The following NAV2 variants were observed in gnomAD, a reference collection of about 807,000 sequenced individuals.
The protein encoded by NAV2 is neuron navigator 2, also known as helicase, APC down-regulated 1.
NAV2 carries 54 observed loss-of-function variants against 223.2 expected under a neutral mutation model. The observed-to-expected ratio is 0.24, with a 90% CI of 0.19 to 0.30. The LOEUF (loss-of-function observed/expected upper bound fraction) is 0.30. NAV2 is among the 10% of genes least tolerant of loss of function. NAV2 has a pLI of 1.00. For synonymous variants in NAV2, 1,279 were observed against 1,239.3 expected, an observed-to-expected ratio of 1.03 and a Z score of -0.67; for missense variants, 2,806 against 3,147.5, an observed-to-expected ratio of 0.89 and a Z score of 2.60.
rs138120105 is a variant in NAV2 at position 19,732,965 on chromosome 11, G to C, written c.267+19003G>C. Among the ~76,000 whole-genome samples, 179 of 152,332 alleles carry C rather than the reference G, an allele frequency of 1.2e-3. 5 individuals carry two copies. In the East Asian group the frequency reaches 0.029, roughly 24 times the overall value. On this transcript the variant is annotated intron_variant, in intron 1 of 37. Transcript: ENST00000349880. ...TAATCAATGCCTGCACAATTATGCAGTTGGCATGGATGCTAGTTTTATTGT... is the reference window on the plus strand; with the variant it reads ...TAATCAATGCCTGCACAATTATGCACTTGGCATGGATGCTAGTTTTATTGT...
intron 5 of NAV2, among the ~76,000 whole-genome samples, chr11:19,886,998 C>A (rs1241598043): frequency 6.6e-6 from 1 of 152,060 alleles, no homozygotes; most frequent in Non-Finnish European, 1.5e-5. Flanking sequence ...CCTTTCCCCA[C>A]CCCCAGCCTT....
rs16937050 is a variant in NAV2, at chr11:19,610,864, A to T, written c.76-221620A>T. On this transcript the variant is annotated intron_variant, in intron 1 of 37. Transcript: ENST00000360655. ...AATTGGTGGGTGGGTGGATGGATGC[A>T]TTCATAAGACCCCAGGCCTACTTGC... 4.7e-3 allele frequency among the ~76,000 whole-genome samples: 709 copies of T among 152,206 alleles called. 6 individuals are homozygous for T. Among genetic ancestry groups the T allele is most frequent in the African/African-American group, 0.016 (666 of 41,536 alleles).
At chr11:20,103,436 C>G (rs561823183) in intron 33 of NAV2, 27 bp downstream of exon 33, 2 of 1,605,228 alleles carry the variant, frequency 1.2e-6, no homozygotes, top group Non-Finnish European at 1.7e-6. Context: ...GACCTCATAG[C>G]CCCCCGGGAG....
chr11:20,062,155 A>C (rs11604832), intron 19 of NAV2, 152 bp from the exon 20 acceptor site: 9,213 of 524,938 alleles, frequency 0.018, 130 homozygotes, highest in Non-Finnish European at 0.023. Context: ...TTTGTCACTG[A>C]CCTATCGCCA....
chr11:19,987,299 T>C (rs1023769318), intron 11 of NAV2, among the ~76,000 whole-genome samples: 5 of 152,358 alleles, frequency 3.3e-5, no homozygotes, highest in Non-Finnish European at 5.9e-5. Flanking sequence ...CCTTTAAACC[T>C]GAAAATCGAA....
At position 20,071,151 on chromosome 11, in the gene NAV2, T is replaced by G. The variant is rs112911358; in HGVS notation, c.4983+2753T>G. 4.9e-3 allele frequency among the ~76,000 whole-genome samples: 604 copies of G among 124,308 alleles called. 3 individuals carry two copies. The highest frequency in any genetic ancestry group is 0.017 in the African/African-American group (578 of 33,170). 81.6% of individuals were successfully genotyped at this position (124,308 alleles called of 152,430 possible). ...CCCTGGTGTCTGATGTTCCCCTCCA[T>G]GTATCCATGTGCCATGTGTTCTCAT... On this transcript the variant is annotated intron_variant, in intron 22 of 37. Coordinates refer to ENST00000349880, the MANE Select transcript of NAV2 (RefSeq NM_145117.5).
chr11:19,683,915 C>A (rs1393935720), intron 1 of NAV2, among the ~76,000 whole-genome samples: 1 of 152,134 alleles, frequency 6.6e-6, no homozygotes, highest in African/African-American at 2.4e-5. Context: ...AATTGTCTGC[C>A]ACAATTGTTT....
rs866418695 is a variant in NAV2 at position 19,913,987 on chromosome 11, C to T, written c.932-19189C>T. On this transcript the variant is annotated intron_variant, in intron 6 of 37. Transcript: ENST00000349880. ...GACATCAGCTGTGGACTCCCCGAGCCAGTGTTATTGCTGGAGTCAGCTCCT... is the reference window on the plus strand; with the variant it reads ...GACATCAGCTGTGGACTCCCCGAGCTAGTGTTATTGCTGGAGTCAGCTCCT... Among the ~76,000 whole-genome samples the T allele has an allele frequency of 3.3e-5, 5 of 152,200 alleles. No individual in the cohort carries two copies. The South Asian group carries it at 1.0e-3, about 32-fold the overall frequency.
intron 1 of NAV2, among the ~76,000 whole-genome samples, chr11:19,425,531 A>G (rs571092355): frequency 4.6e-5 from 7 of 152,236 alleles, no homozygotes; most frequent in Non-Finnish European, 1.0e-4. Context: ...TTAGAGGGGC[A>G]TGTAGCCAGT....
rs56068418 is a variant in NAV2 at position 20,105,401 on chromosome 11, C to T, written c.6645-130C>T. Reference sequence around the variant, plus strand: ...TAGTTACAATGTTTAGAAGAGTGTTCGGTGCATAGCTAATCCAATTTGTTG... The same window carrying T: ...TAGTTACAATGTTTAGAAGAGTGTTTGGTGCATAGCTAATCCAATTTGTTG... On this transcript the variant is annotated intron_variant, in intron 34 of 37. Coordinates refer to ENST00000349880, the MANE Select transcript of NAV2 (RefSeq NM_145117.5). The T allele has an allele frequency of 4.3e-3, 2,957 of 681,796 alleles. 62 individuals are homozygous for T. In the African/African-American group the frequency reaches 0.046, roughly 11 times the overall value. The allele number at this position is 681,796 out of a possible 1,614,324, so 42.2% of individuals were successfully genotyped here. A position where few individuals can be genotyped will look rare whatever the true frequency, so the allele number is the denominator to read the frequency against.
At chr11:19,904,402 G>A (rs939637736) in intron 6 of NAV2, among the ~76,000 whole-genome samples, 2 of 151,610 alleles carry the variant, frequency 1.3e-5, no homozygotes, top group Admixed American at 6.6e-5. Flanking sequence ...TGTGGTAACT[G>A]GTCTTATAAA....
At chr11:19,535,235 A>T (rs2044149939) in intron 1 of NAV2, among the ~76,000 whole-genome samples, 1 of 152,142 alleles carries the variant, frequency 6.6e-6, no homozygotes, top group African/African-American at 2.4e-5. Flanking sequence ...AGAGGCAGAG[A>T]AGGGGGTTTG....
chr11:19,714,586 C>A, intron 1 of NAV2: 1 of 403,944 alleles, frequency 2.5e-6, no homozygotes, highest in Admixed American at 2.6e-5. Context: ...AGACTCCTAG[C>A]GCCTTGGCTG....
chr11:20,073,190 A>G (rs895899125), intron 22 of NAV2, among the ~76,000 whole-genome samples: 3 of 152,202 alleles, frequency 2.0e-5, no homozygotes, highest in African/African-American at 7.2e-5. Flanking sequence ...CTATTGAGAT[A>G]ATCATGTGGT....
rs560193911 is a variant in NAV2 at position 19,903,732 on chromosome 11, T to C, written c.931+11138T>C. ...GCTGCCCCCTACTGCCCAAGTTTTG[T>C]GTGTGTTTCCTAGAGGATCCTTGGT... On this transcript the variant is annotated intron_variant, in intron 6 of 37. Transcript: ENST00000349880. Among the ~76,000 whole-genome samples the C allele has an allele frequency of 1.4e-3, 213 of 152,198 alleles. 10 individuals carry two copies. The South Asian group carries it at 0.043, about 30-fold the overall frequency.
chr11:19,632,417 C>T (rs1726285601), intron 1 of NAV2, among the ~76,000 whole-genome samples: 1 of 152,096 alleles, frequency 6.6e-6, no homozygotes, highest in Non-Finnish European at 1.5e-5. Context: ...CATGTCTGCG[C>T]TTTGCAAACT....
At position 19,931,609 on chromosome 11, in the gene NAV2, A is replaced by AAAAAAAG. The variant is rs10692495; in HGVS notation, c.932-1567_932-1566insAAAAAAG. Among the ~76,000 whole-genome samples, 8 of 137,322 alleles carry AAAAAAAG rather than the reference A, an allele frequency of 5.8e-5. 1 individual carries two copies. Among genetic ancestry groups the AAAAAAAG allele is most frequent in the South Asian group, 2.4e-4 (1 of 4,144 alleles). 90.1% of individuals were successfully genotyped at this position (137,322 alleles called of 152,430 possible). ...ACATAGGTATTTAAAAAAAAAAAAA[A>AAAAAAAG]GCAGAAGAAGCAGCCGTTAATCCCG... On this transcript the variant is annotated intron_variant, in intron 6 of 37. Transcript: ENST00000349880.
At chr11:19,469,137 T>C (rs2041879595) in intron 1 of NAV2, among the ~76,000 whole-genome samples, 1 of 152,200 alleles carries the variant, frequency 6.6e-6, no homozygotes, top group Non-Finnish European at 1.5e-5. Flanking sequence ...CAAACCCTAT[T>C]ATACAAGAGT....
chr11:19,406,230 C>T (rs987448892), intron 1 of NAV2, among the ~76,000 whole-genome samples: 1 of 152,068 alleles, frequency 6.6e-6, no homozygotes, highest in African/African-American at 2.4e-5. Context: ...GTGGACTCAT[C>T]CTGAGTTTAA....
Sources: gnomAD v4.1 joint callset for allele counts (sites outside exome capture counted in the v4.1 genomes callset) on GRCh38, gnomAD v4.1.1 for gene constraint, MANE v1.5 for transcripts, NCBI Gene and HGNC (gene_info 2026-07-23, HGNC 2026-07-21) for gene names.